UBR4: variants seen among roughly 807,000 people sequenced by gnomAD.
The protein encoded by UBR4 is ubiquitin protein ligase E3 component n-recognin 4, also known as E3 ubiquitin-protein ligase UBR4.
UBR4 carries 124 observed loss-of-function variants against 575.6 expected under a neutral mutation model. The observed-to-expected ratio is 0.22, with a 90% CI of 0.19 to 0.25. The LOEUF (loss-of-function observed/expected upper bound fraction) is 0.25, where lower values mean the gene tolerates loss of function less well. Ranked by LOEUF, UBR4 falls within the 10% of genes least tolerant of loss-of-function variation. The pLI is 1.00. For missense variants in UBR4, 4,818 were observed against 6,478.8 expected (o/e 0.74, Z 8.80); for synonymous variants, 2,455 against 2,473.7 (o/e 0.99, Z 0.22).
At chr1:19,126,690 T>G in intron 63 of UBR4, 35 bp from the exon 64 acceptor site, 1 of 1,603,448 alleles carries the variant, frequency 6.2e-7, no homozygotes, top group South Asian at 1.1e-5. Flanking sequence ...ATGGGAAGAA[T>G]GGCTTGTAAA....
intron 104 of UBR4, 180 bp downstream of exon 104, chr1:19,077,796 A>G: frequency 1.3e-6 from 2 of 1,534,344 alleles, no homozygotes; most frequent in Non-Finnish European, 1.8e-6. Context: ...TCACAGACAC[A>G]AGGCTCCAGG....
chr1:19,198,286 T>C (rs2092575129), intron 5 of UBR4, among the ~76,000 whole-genome samples: 1 of 152,198 alleles, frequency 6.6e-6, no homozygotes, highest in Admixed American at 6.5e-5. Context: ...TATAGAAAAC[T>C]GTACATACAC....
rs1049532688 is a variant in UBR4 at position 19,158,100 on chromosome 1, T to C, written c.5578-103A>G. ...CCTGAGACACTGCACAATTCAGTCATTCAAAAGCAGTGATTTCGGCCTCCA... is the reference window on the plus strand; with the variant it reads ...CCTGAGACACTGCACAATTCAGTCACTCAAAAGCAGTGATTTCGGCCTCCA... On this transcript the variant is annotated intron_variant, in intron 39 of 105. Coordinates refer to ENST00000375254, the MANE Select transcript of UBR4 (RefSeq NM_020765.3). The C allele has an allele frequency of 1.9e-5, 25 of 1,301,922 alleles. No homozygotes were observed. The East Asian group carries it at 4.7e-4, about 25-fold the overall frequency. 80.6% of individuals were successfully genotyped at this position (1,301,922 alleles called of 1,614,324 possible). A position where few individuals can be genotyped will look rare whatever the true frequency, so the allele number is the denominator to read the frequency against.
intron 1 of UBR4, among the ~76,000 whole-genome samples, chr1:19,206,045 A>G (rs2092990373): frequency 6.6e-6 from 1 of 152,256 alleles, no homozygotes; most frequent in Non-Finnish European, 1.5e-5. Context: ...AGCAATGATT[A>G]TACTAACTAA....
At chr1:19,186,852 C>T (rs1029441364) in intron 13 of UBR4, among the ~76,000 whole-genome samples, 195 bp from the exon 14 acceptor site, 3 of 152,014 alleles carry the variant, frequency 2.0e-5, no homozygotes, top group Non-Finnish European at 4.4e-5. Context: ...GAATTGAAAA[C>T]AGGAGTGTTT....
intron 60 of UBR4, among the ~76,000 whole-genome samples, chr1:19,132,862 C>T (rs1570904954): frequency 6.6e-6 from 1 of 151,978 alleles, no homozygotes; most frequent in East Asian, 1.9e-4. Flanking sequence ...AAACTGACAA[C>T]TTTAATAAAA....
At position 19,110,870 on chromosome 1, in the gene UBR4, A is replaced by C; in HGVS notation, c.11802-38T>G. The C allele has an allele frequency of 6.3e-7, 1 of 1,595,772 alleles. No individual in the cohort carries two copies. On this transcript the variant is annotated intron_variant, in intron 78 of 105. Coordinates refer to ENST00000375254, the MANE Select transcript of UBR4 (RefSeq NM_020765.3). This position sits in a 1 kb window ranked among gnomAD's most constrained non-coding sequence, Gnocchi z 4.5. ...ATAGAAATGGAGTCCTATAATTCAC[A>C]ATCAGGTGTGACACTCCTTTCCACC...
intron 19 of UBR4, among the ~76,000 whole-genome samples, 179 bp from the exon 20 acceptor site, chr1:19,176,906 T>C (rs2090323952): frequency 6.6e-6 from 1 of 152,206 alleles, no homozygotes; most frequent in African/African-American, 2.4e-5. Flanking sequence ...GATAATAGCT[T>C]GGTATACCAA....
chr1:19,120,437 G>T, intron 68 of UBR4, 89 bp from the exon 69 acceptor site: 1 of 1,470,154 alleles, frequency 6.8e-7, no homozygotes, highest in Non-Finnish European at 9.2e-7. Flanking sequence ...GTGAGGGAGG[G>T]AATTCTGTCC....
chr1:19,174,567 T>C, intron 21 of UBR4, 120 bp from the exon 22 acceptor site: 3 of 1,392,814 alleles, frequency 2.2e-6, no homozygotes, highest in Non-Finnish European at 2.9e-6. Context: ...TAATCATTAA[T>C]TTCTCCTTGG....
chr1:19,109,211 G>A (rs945741757), intron 81 of UBR4, among the ~76,000 whole-genome samples: 1 of 152,222 alleles, frequency 6.6e-6, no homozygotes, highest in African/African-American at 2.4e-5. Context: ...GCCCAATCCA[G>A]GGCAAGTTGG....
intron 64 of UBR4, among the ~76,000 whole-genome samples, chr1:19,124,943 A>G (rs1006285863): frequency 4.6e-5 from 7 of 152,010 alleles, no homozygotes; most frequent in Non-Finnish European, 1.0e-4. Flanking sequence ...ATTTCACTCT[A>G]TGGTTTTTGA....
intron 71 of UBR4, chr1:19,118,362 A>AAAT (rs1553160113): frequency 1.9e-5 from 3 of 159,338 alleles, no homozygotes; most frequent in African/African-American, 7.2e-5. Flanking sequence ...AAAAAGGAAG[A>AAAT]CATTTTCTTT....
At chr1:19,186,123 C>G (rs1171261648) in intron 14 of UBR4, among the ~76,000 whole-genome samples, 2 of 152,120 alleles carry the variant, frequency 1.3e-5, no homozygotes, top group Non-Finnish European at 2.9e-5. Flanking sequence ...TTCACTACAA[C>G]AGGATTAGGT....
chr1:19,117,084 G>T lies in UBR4; in HGVS notation c.10823+137C>A. 1.1e-6 allele frequency: 1 copy of T among 903,718 alleles called. No individual in the cohort carries two copies. 56.0% of individuals were successfully genotyped at this position (903,718 alleles called of 1,614,324 possible). ...ACTGTTGTTTCACTTTTGTCCTTTGGTCATGAATGGAGGGGCCAAGAGGAT... is the reference window on the plus strand; with the variant it reads ...ACTGTTGTTTCACTTTTGTCCTTTGTTCATGAATGGAGGGGCCAAGAGGAT... On this transcript the variant is annotated intron_variant, in intron 73 of 105. Transcript: ENST00000375254. This position sits in a 1 kb window ranked among gnomAD's most constrained non-coding sequence, Gnocchi z 4.0.
At chr1:19,076,706 G>A in intron 105 of UBR4, 34 bp downstream of exon 105, 2 of 1,613,942 alleles carry the variant, frequency 1.2e-6, no homozygotes, top group Non-Finnish European at 1.7e-6. Context: ...CTTTGCTGCG[G>A]AGGATCTTTA....
chr1:19,154,014 T>C, intron 44 of UBR4, 75 bp from the exon 45 acceptor site: 1 of 1,518,866 alleles, frequency 6.6e-7, no homozygotes, highest in Admixed American at 1.9e-5. Flanking sequence ...CTAAAAACCA[T>C]CCTCTAACTG....
In UBR4 at chr1:19,145,843, A is replaced by C. The variant is rs2084786589; in HGVS notation, c.7895T>G (p.Leu2632Arg). The change falls in exon 53 of 106, where the codon CTC (leucine) becomes CGC (arginine). Residue 2632 changes from leucine (L) to arginine (R), a missense_variant. This residue lies in a region of UBR4 where 340 missense variants were observed against 375.4 expected (regional missense o/e 0.91). Coordinates refer to ENST00000375254, the MANE Select transcript of UBR4 (RefSeq NM_020765.3). ...GGCATTCTTGGGTTTGGATGCATGG[A>C]GTTTCCAGAAGTGGTTCACAAGCTG... Reference protein sequence around the residue: ...ITQLVNHFWKLHASKPKNAFL... With the variant: ...ITQLVNHFWKRHASKPKNAFL... 3 of 1,614,062 alleles carry C rather than the reference A, an allele frequency of 1.9e-6. No individual in the cohort carries two copies. Among genetic ancestry groups the C allele is most frequent in the African/African-American group, 2.7e-5 (2 of 74,912 alleles).
intron 32 of UBR4, 95 bp from the exon 33 acceptor site, chr1:19,164,536 A>G: frequency 4.5e-6 from 6 of 1,328,778 alleles, no homozygotes; most frequent in Non-Finnish European, 6.2e-6. Flanking sequence ...TAAATACATA[A>G]CTACAATACC....
Sources: allele counts gnomAD v4.1 joint callset (sites outside exome capture counted in the v4.1 genomes callset), GRCh38; gene constraint gnomAD v4.1.1; regional missense constraint gnomAD v4.1.1; non-coding constraint Gnocchi (gnomAD v3.1); transcripts MANE v1.5; gene names NCBI Gene and HGNC (gene_info 2026-07-23, HGNC 2026-07-21).